The following PLA2G4C variants were observed in gnomAD, a reference collection of about 807,000 sequenced individuals.
The protein encoded by PLA2G4C is cytosolic phospholipase A2 gamma.
A neutral mutation model predicts 73.8 loss-of-function variants in PLA2G4C; 64 were observed. The ratio of observed to expected loss-of-function variants is 0.87; its 90% CI spans 0.71 to 1.07. The LOEUF is 1.07. Ranked by LOEUF, PLA2G4C falls within the 50% of genes least tolerant of loss-of-function variation. PLA2G4C has a pLI of 0.00. For synonymous variants in PLA2G4C, 254 were observed against 252.1 expected (o/e 1.01, Z -0.07); for missense variants, 622 against 665.4 (o/e 0.93, Z 0.72).
chr19:48,083,438 C>CT (rs201023920), intron 10 of PLA2G4C, among the ~76,000 whole-genome samples: 4 of 40,432 alleles, frequency 9.9e-5, no homozygotes, highest in South Asian at 8.3e-4. Context: ...TTTTCTTTTT[C>CT]TTTTTCTTTT....
intron 10 of PLA2G4C, among the ~76,000 whole-genome samples, chr19:48,079,017 T>C (rs765532829): frequency 6.6e-6 from 1 of 152,096 alleles, no homozygotes; most frequent in South Asian, 2.1e-4. Flanking sequence ...TACAGGCGCA[T>C]GCACCATGCC....
intron 2 of PLA2G4C, 130 bp downstream of exon 2, chr19:48,106,392 C>T (rs2032239298): frequency 1.3e-6 from 1 of 776,996 alleles, no homozygotes; most frequent in South Asian, 1.6e-5. Context: ...CATGCCCAAC[C>T]TTCAGCTCTT....
At position 48,109,746 on chromosome 19, in the gene PLA2G4C, C is replaced by T. The variant is rs11564506; in HGVS notation, c.-33+741G>A. Reference sequence around the variant, plus strand: ...CTCACTGCAAGCTCCGCCTTCCGGGCTCACGCCATTCTCCTGCCTCAGCCT... The same window carrying T: ...CTCACTGCAAGCTCCGCCTTCCGGGTTCACGCCATTCTCCTGCCTCAGCCT... On this transcript the variant is annotated intron_variant, in intron 1 of 16. Transcript: ENST00000599921. 7.4e-3 allele frequency among the ~76,000 whole-genome samples: 1,119 copies of T among 152,102 alleles called. 10 individuals are homozygous for T. Among genetic ancestry groups the T allele is most frequent in the South Asian group, 0.049 (237 of 4,808 alleles).
At chr19:48,082,165 A>AC (rs1164170448) in intron 10 of PLA2G4C, among the ~76,000 whole-genome samples, 2 of 152,124 alleles carry the variant, frequency 1.3e-5, no homozygotes, top group Non-Finnish European at 2.9e-5. Flanking sequence ...AGAATTTACT[A>AC]CTACATAATT....
chr19:48,050,305 C>T (rs1338385395), intron 16 of PLA2G4C, among the ~76,000 whole-genome samples: 1 of 152,138 alleles, frequency 6.6e-6, no homozygotes, highest in Non-Finnish European at 1.5e-5. Context: ...AACCGCCCTG[C>T]CCCATGCCAG....
chr19:48,090,593 C>T, intron 7 of PLA2G4C, 176 bp from the exon 8 acceptor site: 1 of 620,094 alleles, frequency 1.6e-6, no homozygotes, highest in Non-Finnish European at 2.9e-6. Context: ...CGGCACTCTT[C>T]TGGCTGTTGG....
intron 1 of PLA2G4C, among the ~76,000 whole-genome samples, chr19:48,108,074 C>A (rs1206614840): frequency 6.6e-6 from 1 of 152,064 alleles, no homozygotes; most frequent in East Asian, 1.9e-4. Context: ...TGGTAGTGGT[C>A]CCCCAGGCCC....
intron 10 of PLA2G4C, among the ~76,000 whole-genome samples, chr19:48,084,039 TTTGTGTGTGTGTG>T (rs202154458): frequency 0.032 from 4,035 of 126,360 alleles, 140 homozygotes; most frequent in African/African-American, 0.11. Context: ...GAATGCCAAT[TTTGTGTGTGTGTG>T]TGTGTGTGTG....
intron 2 of PLA2G4C, among the ~76,000 whole-genome samples, chr19:48,105,936 TC>T (rs1568457581): frequency 1.6e-4 from 5 of 31,702 alleles, no homozygotes; most frequent in African/African-American, 4.5e-4. Flanking sequence ...CCTCCCTCCC[TC>T]CCTCCCTCCC....
rs894691190 is a variant in PLA2G4C at position 48,082,502 on chromosome 19, T to C, written c.844+2557A>G. On this transcript the variant is annotated intron_variant, in intron 10 of 16. Transcript: ENST00000599921. ...TCTTTTTCTTTCTTTCTTTCTTTTT[T>C]TTTTTTTTTTTTTTGAGACACAGTC... Among the ~76,000 whole-genome samples, 16 of 136,244 alleles carry C rather than the reference T, an allele frequency of 1.2e-4. No homozygotes were observed. The South Asian group carries it at 1.6e-3, about 14-fold the overall frequency. 89.4% of individuals were successfully genotyped at this position (136,244 alleles called of 152,430 possible).
At position 48,098,141 on chromosome 19, in the gene PLA2G4C, G is replaced by T. The variant is rs1600245223; in HGVS notation, c.566C>A (p.Pro189Gln). ...CCTCCCTCTAAATGTTTGCTTACCTGGTGCTCTTGCCTCCTGCCAGGAAGG... is the reference window on the plus strand; with the variant it reads ...CCTCCCTCTAAATGTTTGCTTACCTTGTGCTCTTGCCTCCTGCCAGGAAGG... ...LQPSWQEARA[P>Q]ETWFEFTPHH... Residue 189 changes from proline (P) to glutamine (Q), a missense_variant and splice_region_variant, in exon 6 of 17, where the codon CCA (proline) becomes CAA (glutamine). By Grantham distance (76) the Pro-to-Gln change is moderately conservative (BLOSUM62 -1). Coordinates refer to ENST00000599921, the MANE Select transcript of PLA2G4C (RefSeq NM_003706.3). 6 of 1,613,368 alleles carry T rather than the reference G, an allele frequency of 3.7e-6. No individual in the cohort carries two copies. The highest frequency in any genetic ancestry group is 5.1e-6 in the Non-Finnish European group (6 of 1,179,656).
chr19:48,076,607 G>A (rs1170481742), intron 11 of PLA2G4C, among the ~76,000 whole-genome samples: 2 of 152,106 alleles, frequency 1.3e-5, no homozygotes, highest in Non-Finnish European at 2.9e-5. Context: ...GCCAGGTGTG[G>A]TGGCAGTTGC....
chr19:48,061,743 A>G (rs1489816210), intron 14 of PLA2G4C: 2 of 464,084 alleles, frequency 4.3e-6, no homozygotes, highest in Admixed American at 7.2e-5. Flanking sequence ...GGCAGGACGC[A>G]GAAGCGGGGA....
At chr19:48,063,288 C>G (rs1968266653) in intron 13 of PLA2G4C, among the ~76,000 whole-genome samples, 2 of 152,014 alleles carry the variant, frequency 1.3e-5, no homozygotes, top group Non-Finnish European at 2.9e-5. Context: ...GTGATCTACC[C>G]GCTTCTGCCT....
chr19:48,081,041 T>C (rs375506073), intron 10 of PLA2G4C, among the ~76,000 whole-genome samples: 2 of 147,610 alleles, frequency 1.4e-5, no homozygotes, highest in East Asian at 4.0e-4. Flanking sequence ...GGTGGGTGCC[T>C]GTAGTCCCAG....
chr19:48,068,782 C>T (rs183009901), intron 12 of PLA2G4C, among the ~76,000 whole-genome samples: 21 of 150,986 alleles, frequency 1.4e-4, no homozygotes, highest in African/African-American at 4.9e-4. Flanking sequence ...ACCAAGAATG[C>T]GTGTGCACTG....
chr19:48,067,651 C>T, intron 13 of PLA2G4C, 140 bp downstream of exon 13: 1 of 704,638 alleles, frequency 1.4e-6, no homozygotes, highest in Admixed American at 2.0e-5. Flanking sequence ...TAATCAGATC[C>T]CTGGGCCCTT....
chr19:48,088,564 T>A, intron 9 of PLA2G4C, 122 bp downstream of exon 9: 1 of 725,704 alleles, frequency 1.4e-6, no homozygotes, highest in African/African-American at 1.7e-5. Context: ...AAATACCAGA[T>A]AAAGAATTCA....
intron 14 of PLA2G4C, among the ~76,000 whole-genome samples, chr19:48,059,443 C>T (rs958281087): frequency 4.6e-5 from 7 of 151,962 alleles, no homozygotes; most frequent in Non-Finnish European, 7.4e-5. Context: ...GTATTGTTTC[C>T]GGATGTGTCT....
Sources: gnomAD v4.1 joint callset for allele counts (sites outside exome capture counted in the v4.1 genomes callset) on GRCh38, gnomAD v4.1.1 for gene constraint, MANE v1.5 for transcripts, NCBI Gene and HGNC (gene_info 2026-07-23, HGNC 2026-07-21) for gene names.